MELK: variants seen among roughly 807,000 people sequenced by gnomAD.
MELK encodes the protein maternal embryonic leucine zipper kinase.
Under a neutral mutation model 85.0 loss-of-function variants are expected in MELK, and 81 were observed. That is an observed-to-expected ratio of 0.95 (90% CI 0.80 to 1.15). The LOEUF is 1.15. Among genes scored for constraint, MELK ranks in the 50% most tolerant of loss-of-function variants. The probability of loss-of-function intolerance (pLI) is 0.00; values close to 1 mark genes in which losing one functional copy is unlikely to be tolerated. For missense variants in MELK, 754 were observed against 777.5 expected, an observed-to-expected ratio of 0.97 and a Z score of 0.36; for synonymous variants, 252 against 265.0, an observed-to-expected ratio of 0.95 and a Z score of 0.48.
chr9:36,594,801 A>G (rs1307550517), intron 5 of MELK, 30 bp downstream of exon 5: 1 of 1,589,694 alleles, frequency 6.3e-7, no homozygotes, highest in Non-Finnish European at 8.6e-7. Flanking sequence ...TTAGATGCTC[A>G]CCTTCAGCGT....
chr9:36,588,002 G>A (rs1048082973), intron 3 of MELK, among the ~76,000 whole-genome samples: 1 of 150,426 alleles, frequency 6.6e-6, no homozygotes, highest in African/African-American at 2.4e-5. Context: ...TCCTGACCTC[G>A]CGATCTGCCC....
At chr9:36,630,468 T>C in intron 9 of MELK, 101 bp downstream of exon 9, 4 of 923,148 alleles carry the variant, frequency 4.3e-6, no homozygotes, top group Non-Finnish European at 5.2e-6. Flanking sequence ...TTGAAAAAAA[T>C]CCCACTCATA....
At chr9:36,637,598 G>C (rs1198012656) in intron 10 of MELK, among the ~76,000 whole-genome samples, 1 of 152,200 alleles carries the variant, frequency 6.6e-6, no homozygotes, top group Non-Finnish European at 1.5e-5. Context: ...CAGTGGACTA[G>C]GACATGTGCA....
At chr9:36,621,275 GAAAAAAAAAAAAAAAAAAAAAAAAAAAAA>G (rs74181196) in intron 8 of MELK, among the ~76,000 whole-genome samples, 52 of 32,422 alleles carry the variant, frequency 1.6e-3, no homozygotes, top group African/African-American at 2.9e-3. Flanking sequence ...CTGTCTCAGG[GAAAAAAAAAAAAAAAAAAAAAAAAAAAAA>G]AAAAAAAAAA....
At chr9:36,676,781 G>T (rs934217204) in intron 17 of MELK, among the ~76,000 whole-genome samples, 8 of 152,140 alleles carry the variant, frequency 5.3e-5, no homozygotes, top group African/African-American at 1.7e-4. Context: ...TCTTTCTTGC[G>T]CTTTCCTTTG....
At position 36,632,962 on chromosome 9, in the gene MELK, C is replaced by T. The variant is rs544779873; in HGVS notation, c.736-140C>T. 441 of 644,460 alleles carry T rather than the reference C, an allele frequency of 6.8e-4. 2 individuals are homozygous for T. The highest frequency in any genetic ancestry group is 1.1e-3 in the Non-Finnish European group (399 of 373,290). 39.9% of individuals were successfully genotyped at this position (644,460 alleles called of 1,614,324 possible). On this transcript the variant is annotated intron_variant, in intron 9 of 17. Transcript: ENST00000298048. Reference sequence around the variant, plus strand: ...CTTTTTAAAAGAATTTCTTCCAAGGCCATTTTAAAGTCTTTGACAGCATTT... The same window carrying T: ...CTTTTTAAAAGAATTTCTTCCAAGGTCATTTTAAAGTCTTTGACAGCATTT...
At chr9:36,581,363 T>C (rs879802425) in intron 1 of MELK, among the ~76,000 whole-genome samples, 12 of 152,094 alleles carry the variant, frequency 7.9e-5, no homozygotes, top group Non-Finnish European at 1.3e-4. Flanking sequence ...TTTTTTTCAT[T>C]ATTATTATTA....
At chr9:36,592,391 G>A (rs111568986) in intron 4 of MELK, among the ~76,000 whole-genome samples, 5,214 of 152,008 alleles carry the variant, frequency 0.034, 292 homozygotes, top group African/African-American at 0.12. Flanking sequence ...GGCCAGGCTG[G>A]TCTCAAACTT....
intron 11 of MELK, among the ~76,000 whole-genome samples, chr9:36,645,479 G>C (rs1210471060): frequency 6.6e-6 from 1 of 152,092 alleles, no homozygotes; most frequent in African/African-American, 2.4e-5. Flanking sequence ...CAGTTATTCT[G>C]AAAGTTAAGC....
intron 7 of MELK, among the ~76,000 whole-genome samples, chr9:36,603,321 A>G (rs1233022652): frequency 6.6e-6 from 1 of 152,062 alleles, no homozygotes; most frequent in Non-Finnish European, 1.5e-5. Context: ...GTTGATTCTG[A>G]TGTTCACAGT....
chr9:36,635,881 C>T (rs1829087211), intron 10 of MELK, among the ~76,000 whole-genome samples: 2 of 151,152 alleles, frequency 1.3e-5, no homozygotes, highest in Admixed American at 6.6e-5. Context: ...ACCACAACCT[C>T]CGCCTCCTGG....
At chr9:36,613,858 G>T (rs532702253) in intron 8 of MELK, among the ~76,000 whole-genome samples, 1 of 152,286 alleles carries the variant, frequency 6.6e-6, no homozygotes, top group East Asian at 1.9e-4. Context: ...GAGTCAAGCT[G>T]CTTTGGGCTG....
chr9:36,578,884 C>T (rs906320497), intron 1 of MELK, among the ~76,000 whole-genome samples: 2 of 152,034 alleles, frequency 1.3e-5, no homozygotes, highest in Non-Finnish European at 2.9e-5. Flanking sequence ...GCTTTGTCTC[C>T]CAGGCTGGAG....
intron 15 of MELK, among the ~76,000 whole-genome samples, chr9:36,670,432 T>G (rs1832781901): frequency 6.6e-6 from 1 of 152,124 alleles, no homozygotes; most frequent in African/African-American, 2.4e-5. Context: ...ACAACATCCT[T>G]ATTCATTGGA....
At chr9:36,584,028 C>CG (rs1822555992) in intron 3 of MELK, among the ~76,000 whole-genome samples, 1 of 151,764 alleles carries the variant, frequency 6.6e-6, no homozygotes, top group South Asian at 2.1e-4. Context: ...TTTTTTGAGA[C>CG]GGAGTCTCGC....
intron 1 of MELK, among the ~76,000 whole-genome samples, chr9:36,576,715 A>G (rs1393413357): frequency 6.6e-6 from 1 of 152,102 alleles, no homozygotes; most frequent in African/African-American, 2.4e-5. Flanking sequence ...TATTTTTAGT[A>G]GAGACGGGGT....
intron 10 of MELK, among the ~76,000 whole-genome samples, chr9:36,639,025 AAGT>A (rs1829491069): frequency 6.6e-6 from 1 of 152,150 alleles, no homozygotes; most frequent in Non-Finnish European, 1.5e-5. Flanking sequence ...GTGTCTGTTG[AAGT>A]AGCTACTGGA....
intron 9 of MELK, among the ~76,000 whole-genome samples, chr9:36,630,629 T>C (rs1465884971): frequency 6.6e-6 from 1 of 152,104 alleles, no homozygotes; most frequent in Non-Finnish European, 1.5e-5. Flanking sequence ...TCCACTCTCT[T>C]TTATTCCAAA....
intron 3 of MELK, among the ~76,000 whole-genome samples, chr9:36,588,100 C>T (rs1346535439): frequency 1.3e-5 from 2 of 151,612 alleles, no homozygotes; most frequent in Non-Finnish European, 2.9e-5. Context: ...GAGTTTTGCT[C>T]TTGTTTCCCA....
Sources: allele counts gnomAD v4.1 joint callset (sites outside exome capture counted in the v4.1 genomes callset), GRCh38; gene constraint gnomAD v4.1.1; transcripts MANE v1.5; gene names NCBI Gene and HGNC (gene_info 2026-07-23, HGNC 2026-07-21).